The following SYNE1 variants were observed in gnomAD, a reference collection of about 807,000 sequenced individuals.
SYNE1 encodes spectrin repeat containing nuclear envelope protein 1.
SYNE1 carries 616 observed loss-of-function variants against 1,111.0 expected under a neutral mutation model. The ratio of observed to expected loss-of-function variants is 0.55; its 90% CI spans 0.52 to 0.59. The LOEUF (loss-of-function observed/expected upper bound fraction) is 0.59. Among genes scored for constraint, SYNE1 ranks in the 20% least tolerant of loss-of-function variants. The probability of loss-of-function intolerance (pLI) is 0.00; values close to 1 mark genes in which losing one functional copy is unlikely to be tolerated. For synonymous variants in SYNE1, 3,855 were observed against 3,825.8 expected, an observed-to-expected ratio of 1.01 and a Z score of -0.28; for missense variants, 10,006 against 10,417.0, an observed-to-expected ratio of 0.96 and a Z score of 1.72.
chr6:152,197,730 G>A (rs1168902880), intron 127 of SYNE1, among the ~76,000 whole-genome samples: 2 of 152,092 alleles, frequency 1.3e-5, no homozygotes, highest in African/African-American at 2.4e-5. Flanking sequence ...AAACAGATAT[G>A]GTGCCATCTG....
intron 14 of SYNE1, among the ~76,000 whole-genome samples, chr6:152,479,513 G>C (rs2098866811): frequency 2.0e-5 from 3 of 152,136 alleles, no homozygotes; most frequent in Non-Finnish European, 4.4e-5. Flanking sequence ...TAGTGCTGAA[G>C]ACAACCTGGC....
At chr6:152,512,749 T>C (rs1436939250) in intron 6 of SYNE1, among the ~76,000 whole-genome samples, 1 of 152,176 alleles carries the variant, frequency 6.6e-6, no homozygotes, top group Non-Finnish European at 1.5e-5. Context: ...CCAAAATGTG[T>C]TTCACAATGA....
At chr6:152,243,492 G>C (rs2086291677) in intron 106 of SYNE1, among the ~76,000 whole-genome samples, 1 of 152,116 alleles carries the variant, frequency 6.6e-6, no homozygotes, top group African/African-American at 2.4e-5. Context: ...TTAAGGTTTA[G>C]CAGGCCAAAA....
In SYNE1 at chr6:152,330,516, C is replaced by G; in HGVS notation, c.14169G>C (p.Val4723=). The G allele has an allele frequency of 6.2e-7, 1 of 1,614,148 alleles. No homozygotes were observed. The highest frequency in any genetic ancestry group is 8.5e-7 in the Non-Finnish European group (1 of 1,180,030). ...QDGCRAILDE[V]AGLGEAVDEL... ...CATCCACCGCCTCCCCAAGGCCCGC[C>G]ACCTCGTCCAGAATGGCTCTGCAAC... is the stretch of plus-strand genomic sequence containing the variant. Residue 4723 remains valine (V), a synonymous_variant, in exon 78 of 146, where the codon GTG becomes GTC. Transcript: ENST00000367255.
In SYNE1 at chr6:152,329,824, T is replaced by C; in HGVS notation, c.14861A>G (p.Lys4954Arg). Reference protein sequence around the residue: ...LSHKEKEKFTKAKELISADLE... With the variant: ...LSHKEKEKFTRAKELISADLE... ...ATCCGCAGAAATCAGCTCCTTGGCC[T>C]TTGTGAACTTCTCCTTTTCCTTGTG... The change falls in exon 78 of 146, where the codon AAG becomes AGG. Residue 4954 changes from lysine (K) to arginine (R), a missense_variant. Around this residue, in one of 7 missense-constraint regions of SYNE1, gnomAD observed 4,955 missense variants for 5,017.2 expected, o/e 0.99. Transcript: ENST00000367255. The C allele has an allele frequency of 6.2e-7, 1 of 1,614,200 alleles. No homozygotes were observed. Among genetic ancestry groups the C allele is most frequent in the South Asian group, 1.1e-5 (1 of 91,082 alleles).
intron 137 of SYNE1, chr6:152,145,587 T>C: frequency 6.3e-7 from 1 of 1,594,732 alleles, no homozygotes; most frequent in South Asian, 1.1e-5. Context: ...AGTTGACAGC[T>C]AAGTTCTGGA....
intron 56 of SYNE1, among the ~76,000 whole-genome samples, chr6:152,377,650 T>TAC (rs1313589137): frequency 1.3e-3 from 134 of 103,454 alleles, no homozygotes; most frequent in Non-Finnish European, 2.0e-3. Flanking sequence ...AATATATATA[T>TAC]ATATATATAT....
intron 3 of SYNE1, among the ~76,000 whole-genome samples, chr6:152,603,800 CAT>C (rs2099601956): frequency 9.1e-6 from 1 of 110,188 alleles, no homozygotes; most frequent in East Asian, 2.3e-4. Context: ...ATTTTATATA[CAT>C]ATATAGAGAG....
At chr6:152,628,223 G>A (rs1342253061) in intron 3 of SYNE1, 42 bp downstream of exon 3, 4 of 1,595,774 alleles carry the variant, frequency 2.5e-6, no homozygotes, top group East Asian at 2.2e-5. Flanking sequence ...GGGTTAAGAT[G>A]GTATTTGAAT....
rs1160628610 is a variant in SYNE1, at chr6:152,208,193, G to A, written c.22603C>T (p.Leu7535=). Residue 7535 remains leucine (L), a synonymous_variant, in exon 125 of 146, where the codon CTG becomes TTG. Transcript: ENST00000367255. ...GQVDDRDEFN[L]KLTLLSNQWQ... ...TGATTACTGAGGAGTGTCAATTTCA[G>A]GTTGAATTCATCCCTAGTGAAGAAA... 1.2e-6 allele frequency: 2 copies of A among 1,613,838 alleles called. No homozygotes were observed. The highest frequency in any genetic ancestry group is 3.3e-5 in the Admixed American group (2 of 59,992).
intron 95 of SYNE1, among the ~76,000 whole-genome samples, chr6:152,287,799 A>G (rs985931552): frequency 1.3e-5 from 2 of 152,172 alleles, no homozygotes; most frequent in Admixed American, 1.3e-4. Context: ...TGCCCGCTTC[A>G]GCCTCCCAAA....
rs990051448 is a variant in SYNE1, at chr6:152,369,053, T to C, written c.9726A>G (p.Glu3242=). The C allele has an allele frequency of 6.8e-6, 11 of 1,614,086 alleles. No individual in the cohort carries two copies. Among genetic ancestry groups the C allele is most frequent in the Non-Finnish European group, 9.3e-6 (11 of 1,180,046 alleles). ...RLKEKAQQLW[E]GQAASKSFRH... ...TAAAGCTCTTGCTGGCAGCTTGTCC[T>C]TCCCACAGCTGCTGAGCTTTCTCTT... Residue 3242 remains glutamate (E), a synonymous_variant, in exon 61 of 146, where the codon GAA becomes GAG. Coordinates refer to ENST00000367255, the MANE Select transcript of SYNE1 (RefSeq NM_182961.4).
At chr6:152,595,328 C>T (rs980435596) in intron 3 of SYNE1, among the ~76,000 whole-genome samples, 7 of 152,234 alleles carry the variant, frequency 4.6e-5, no homozygotes, top group African/African-American at 1.4e-4. Context: ...CAAGGCACAA[C>T]TGCTTGATTT....
rs1302805234 is a variant in SYNE1, at chr6:152,458,746, A to G, written c.2568+11T>C. On this transcript the variant is annotated intron_variant, in intron 22 of 145. Coordinates refer to ENST00000367255, the MANE Select transcript of SYNE1 (RefSeq NM_182961.4). The stretch of plus-strand genomic sequence containing the variant: ...TTAGAATAATTGTCTCCTGAAAAGG[A>G]TTGTTCTCACCTGATGTTTTTGTTT... 1.9e-6 allele frequency: 3 copies of G among 1,613,772 alleles called. No homozygotes were observed. The highest frequency in any genetic ancestry group is 2.5e-6 in the Non-Finnish European group (3 of 1,179,712).
intron 112 of SYNE1, among the ~76,000 whole-genome samples, chr6:152,233,388 C>T (rs1349492083): frequency 1.3e-5 from 2 of 151,822 alleles, no homozygotes; most frequent in East Asian, 1.9e-4. Flanking sequence ...AGTGCAGTGG[C>T]GCGATCTCGG....
At chr6:152,464,131 T>A (rs757216155) in intron 18 of SYNE1, among the ~76,000 whole-genome samples, 5 of 152,196 alleles carry the variant, frequency 3.3e-5, no homozygotes, top group Non-Finnish European at 7.3e-5. Context: ...AAATTAAATA[T>A]CTGAGTCAAG....
intron 3 of SYNE1, among the ~76,000 whole-genome samples, chr6:152,564,147 C>G (rs556803453): frequency 4.6e-5 from 7 of 152,200 alleles, no homozygotes; most frequent in Non-Finnish European, 1.0e-4. Flanking sequence ...GTGTGAGACT[C>G]TCCAGGTCTA....
At chr6:152,163,694 A>T (rs1012944420) in intron 131 of SYNE1, among the ~76,000 whole-genome samples, 5 of 152,084 alleles carry the variant, frequency 3.3e-5, no homozygotes, top group Non-Finnish European at 7.4e-5. Context: ...TCCTTTTTGC[A>T]AAACAAAATT....
chr6:152,363,544 T>TAA (rs2096988215), intron 63 of SYNE1, among the ~76,000 whole-genome samples: 4 of 126,458 alleles, frequency 3.2e-5, no homozygotes, highest in Non-Finnish European at 6.9e-5. Context: ...TAAATAAATA[T>TAA]AAAAATAAAT....
Sources: gnomAD v4.1 joint callset for allele counts (sites outside exome capture counted in the v4.1 genomes callset) on GRCh38, gnomAD v4.1.1 for gene constraint, gnomAD v4.1.1 regional missense constraint, MANE v1.5 for transcripts, NCBI Gene and HGNC (gene_info 2026-07-23, HGNC 2026-07-21) for gene names.